Variants in ASTN2 observed in about 807,000 individuals in gnomAD.
ASTN2 encodes astrotactin-2.
ASTN2 carries 54 observed loss-of-function variants against 139.8 expected under a neutral mutation model. That is an observed-to-expected ratio of 0.39 (90% CI 0.31 to 0.48). ASTN2 has a LOEUF of 0.48. Among genes scored for constraint, ASTN2 ranks in the 20% least tolerant of loss-of-function variants. ASTN2 has a pLI of 0.95. For missense variants in ASTN2, 1,565 were observed against 1,725.1 expected (o/e 0.91, Z 1.64); for synonymous variants, 756 against 719.5 (o/e 1.05, Z -0.81).
chr9:117,303,824 A>T (rs1276786345), intron 1 of ASTN2, among the ~76,000 whole-genome samples: 2 of 152,232 alleles, frequency 1.3e-5, no homozygotes, highest in Admixed American at 1.3e-4. Flanking sequence ...CTTGAATCAG[A>T]GTTGGCTGCA....
intron 4 of ASTN2, among the ~76,000 whole-genome samples, chr9:117,116,873 C>T (rs766462653): frequency 7.4e-6 from 1 of 135,512 alleles, no homozygotes; most frequent in Non-Finnish European, 1.6e-5. Context: ...AAAGGCCTTT[C>T]CCATTCATCG....
At chr9:116,606,998 A>G (rs28478024) in intron 19 of ASTN2, among the ~76,000 whole-genome samples, 3,325 of 152,298 alleles carry the variant, frequency 0.022, 121 homozygotes, top group African/African-American at 0.076. Flanking sequence ...AGCCAAGTTC[A>G]TTTTCCAGAG....
chr9:116,731,785 C>T (rs1828792337), intron 14 of ASTN2, among the ~76,000 whole-genome samples: 1 of 152,150 alleles, frequency 6.6e-6, no homozygotes, highest in Non-Finnish European at 1.5e-5. Context: ...CAAGGACATA[C>T]CAGGATCAAT....
At chr9:116,886,581 G>T (rs1407838928) in intron 10 of ASTN2, among the ~76,000 whole-genome samples, 1 of 152,070 alleles carries the variant, frequency 6.6e-6, no homozygotes, top group Non-Finnish European at 1.5e-5. Flanking sequence ...TGTCCAGGCT[G>T]GTCTTGAAGT....
At chr9:116,469,061 C>G (rs1221478576) in intron 20 of ASTN2, among the ~76,000 whole-genome samples, 1 of 152,162 alleles carries the variant, frequency 6.6e-6, no homozygotes, top group African/African-American at 2.4e-5. Context: ...ATATCATTGA[C>G]CACATTTCAT....
At chr9:117,217,335 A>G (rs915282) in intron 2 of ASTN2, among the ~76,000 whole-genome samples, 146,369 of 152,168 alleles carry the variant, frequency 0.96, 70,498 homozygotes, top group Non-Finnish European at 0.99. Flanking sequence ...ATAAGGTCTT[A>G]CATGGTTCCT....
chr9:116,853,385 G>A (rs565348445), intron 11 of ASTN2, among the ~76,000 whole-genome samples: 14 of 152,254 alleles, frequency 9.2e-5, no homozygotes, highest in African/African-American at 2.9e-4. Flanking sequence ...CCAGCTTTTC[G>A]TTTCAGAGCT....
In ASTN2 at chr9:116,774,649, G is replaced by A. The variant is rs532398100; in HGVS notation, c.2396+30983C>T. 6.6e-5 allele frequency among the ~76,000 whole-genome samples: 10 copies of A among 151,574 alleles called. 1 individual carries two copies. The East Asian group carries it at 9.6e-4, about 15-fold the overall frequency. ...GATTTGATCCCTGGCCATCTTGCTC[G>A]AGAGCCTGGCTCTTAGTCTGCTCTA... is the stretch of plus-strand genomic sequence containing the variant. On this transcript the variant is annotated intron_variant, in intron 13 of 22. Coordinates refer to ENST00000313400, the MANE Select transcript of ASTN2 (RefSeq NM_001365068.1).
intron 5 of ASTN2, among the ~76,000 whole-genome samples, chr9:117,069,383 A>T (rs1358848493): frequency 8.9e-6 from 1 of 111,884 alleles, no homozygotes; most frequent in South Asian, 3.3e-4. Context: ...ATAGTTTGTT[A>T]TAATTTCTGT....
chr9:116,636,654 C>T (rs138828604), intron 17 of ASTN2, among the ~76,000 whole-genome samples: 6,515 of 151,132 alleles, frequency 0.043, 495 homozygotes, highest in African/African-American at 0.15. Context: ...CCAGCCTGGG[C>T]GACAGAGTGA....
intron 3 of ASTN2, among the ~76,000 whole-genome samples, chr9:117,209,160 A>G (rs867092139): frequency 8.5e-5 from 13 of 152,296 alleles, no homozygotes; most frequent in Middle Eastern, 3.4e-3. Context: ...TACACAAAAC[A>G]ACCAGAAAAC....
intron 10 of ASTN2, among the ~76,000 whole-genome samples, chr9:116,879,528 T>G (rs1833397240): frequency 6.6e-6 from 1 of 152,156 alleles, no homozygotes; most frequent in Admixed American, 6.5e-5. Context: ...TCCTCATACA[T>G]AAATCATAGA....
intron 10 of ASTN2, among the ~76,000 whole-genome samples, chr9:116,869,214 G>C (rs1222051024): frequency 6.6e-6 from 1 of 151,988 alleles, no homozygotes; most frequent in Admixed American, 6.6e-5. Flanking sequence ...AAAAATGACA[G>C]CATTAGTTGG....
chr9:117,295,441 G>A lies in ASTN2; in HGVS notation c.443-3928C>T, dbSNP rs191104704. 2.1e-3 allele frequency among the ~76,000 whole-genome samples: 319 copies of A among 152,252 alleles called. 1 individual carries two copies. The highest frequency in any genetic ancestry group is 7.3e-3 in the African/African-American group (303 of 41,538). ...CTCCAGGAGAGCAGAGACCTTGTGT[G>A]TCTTATTTCCTGCCATCTCTCACGC... On this transcript the variant is annotated intron_variant, in intron 1 of 22. Transcript: ENST00000313400.
intron 16 of ASTN2, among the ~76,000 whole-genome samples, chr9:116,722,904 G>A (rs112688325): frequency 0.02 from 3,073 of 152,232 alleles, 112 homozygotes; most frequent in African/African-American, 0.071. Flanking sequence ...TGTGGCTTAC[G>A]CCTGTAATCT....
At position 117,291,389 on chromosome 9, in the gene ASTN2, G is replaced by A. The variant is rs547091245; in HGVS notation, c.567C>T (p.Pro189=). The change falls in exon 2 of 23, where the codon CCC becomes CCT. Residue 189 remains proline (P), a synonymous_variant. Transcript: ENST00000313400. ...SSGQLAQATA[P]TLQEPSEIVE... is the part of the protein sequence containing the mutation. Reference sequence around the variant, plus strand: ...CAATCTCCGAGGGCTCCTGGAGAGTGGGGGCGGTGGCTTGGGCCAGCTGCC... The same window carrying A: ...CAATCTCCGAGGGCTCCTGGAGAGTAGGGGCGGTGGCTTGGGCCAGCTGCC... 7.4e-6 allele frequency: 12 copies of A among 1,614,092 alleles called. No individual in the cohort carries two copies. In the African/African-American group the frequency reaches 9.3e-5, roughly 13 times the overall value.
At chr9:117,212,859 A>C (rs1832185419) in intron 3 of ASTN2, among the ~76,000 whole-genome samples, 2 of 152,210 alleles carry the variant, frequency 1.3e-5, no homozygotes, top group Admixed American at 1.3e-4. Context: ...TACAGTCACT[A>C]TATAGAACAG....
intron 11 of ASTN2, among the ~76,000 whole-genome samples, chr9:116,824,350 G>C (rs766490687): frequency 6.7e-6 from 1 of 148,734 alleles, no homozygotes; most frequent in Non-Finnish European, 1.5e-5. Context: ...TCTAAAGGTA[G>C]ATCATAAGAG....
At chr9:116,980,663 A>G (rs1167543458) in intron 7 of ASTN2, among the ~76,000 whole-genome samples, 1 of 152,078 alleles carries the variant, frequency 6.6e-6, no homozygotes, top group Non-Finnish European at 1.5e-5. Flanking sequence ...TGTTTGTTTT[A>G]GTTTCAGCTG....
Sources: gnomAD v4.1 joint callset for allele counts (sites outside exome capture counted in the v4.1 genomes callset) on GRCh38, gnomAD v4.1.1 for gene constraint, MANE v1.5 for transcripts, NCBI Gene and HGNC (gene_info 2026-07-23, HGNC 2026-07-21) for gene names.